Variants in DLGAP1 observed in about 807,000 individuals in gnomAD.
DLGAP1 encodes the protein DLG associated protein 1.
A neutral mutation model predicts 90.8 loss-of-function variants in DLGAP1; 11 were observed. That is an observed-to-expected ratio of 0.12 (90% CI 0.08 to 0.20). The LOEUF (loss-of-function observed/expected upper bound fraction) is 0.20. DLGAP1 is among the 10% of genes least tolerant of loss of function. The pLI, the probability that DLGAP1 is intolerant of heterozygous loss-of-function variation, is 1.00. For synonymous variants in DLGAP1, 558 were observed against 540.7 expected, an observed-to-expected ratio of 1.03 and a Z score of -0.44; for missense variants, 1,050 against 1,333.8, an observed-to-expected ratio of 0.79 and a Z score of 3.31.
chr18:4,256,225 A>G (rs1018490981), intron 1 of DLGAP1, among the ~76,000 whole-genome samples: 1 of 152,162 alleles, frequency 6.6e-6, no homozygotes, highest in Admixed American at 6.5e-5. Flanking sequence ...TCTCTACAAC[A>G]AACACACACA....
At chr18:3,587,787 A>G (rs755916741) in intron 7 of DLGAP1, among the ~76,000 whole-genome samples, 2 of 152,216 alleles carry the variant, frequency 1.3e-5, no homozygotes, top group Non-Finnish European at 2.9e-5. Context: ...CTCCGCACAC[A>G]CCAGCTTTAA....
intron 7 of DLGAP1, among the ~76,000 whole-genome samples, chr18:3,712,813 G>A (rs1004766470): frequency 5.3e-5 from 8 of 152,192 alleles, no homozygotes; most frequent in Non-Finnish European, 7.3e-5. Context: ...TAGCTAGCAG[G>A]ACTATAAGTT....
Position 3,499,275 on chromosome 18 carries a change from G to C in DLGAP1, c.2844C>G (p.Ala948=), listed in dbSNP as rs1433074022. ...RQEARKRLMA[A]KRAASVRQNS... is the part of the protein sequence containing the mutation. ...TCTGGCGGACGGACGCGGCGCGCTT[G>C]GCGGCCATCAGGCGCTTGCGGGCCT... The change falls in exon 13 of 13, where the codon GCC becomes GCG. Residue 948 remains alanine (A), a synonymous_variant. Transcript: ENST00000315677. The surrounding 1 kb of genome is among the most constrained non-coding windows in gnomAD (Gnocchi z 6.4). 2 of 1,599,692 alleles carry C rather than the reference G, an allele frequency of 1.3e-6. No individual in the cohort carries two copies. Among genetic ancestry groups the C allele is most frequent in the Non-Finnish European group, 1.7e-6 (2 of 1,174,054 alleles).
At chr18:4,438,682 CA>C (rs895460074) in intron 1 of DLGAP1, among the ~76,000 whole-genome samples, 1 of 151,062 alleles carries the variant, frequency 6.6e-6, no homozygotes, top group African/African-American at 2.4e-5. Flanking sequence ...ATGTAGGTTA[CA>C]AAAACACACT....
intron 3 of DLGAP1, among the ~76,000 whole-genome samples, chr18:3,883,339 A>G (rs1242053078): frequency 2.0e-5 from 3 of 152,246 alleles, no homozygotes. Context: ...GGTCTTGTCT[A>G]TTCCATGAGA....
chr18:4,375,672 C>T (rs1356689219), intron 1 of DLGAP1, among the ~76,000 whole-genome samples: 1 of 152,128 alleles, frequency 6.6e-6, no homozygotes, highest in Non-Finnish European at 1.5e-5. Context: ...ACTCTCATCA[C>T]TGTGAGTTTT....
chr18:3,536,436 C>T (rs2052385871), intron 9 of DLGAP1, among the ~76,000 whole-genome samples: 1 of 151,992 alleles, frequency 6.6e-6, no homozygotes, highest in Non-Finnish European at 1.5e-5. Context: ...GTTGGCCAGG[C>T]TGGTCTCGAA....
chr18:3,639,902 C>A (rs891724459), intron 7 of DLGAP1, among the ~76,000 whole-genome samples: 3 of 145,178 alleles, frequency 2.1e-5, no homozygotes, highest in Non-Finnish European at 4.5e-5. Flanking sequence ...CTACAGGCGC[C>A]CGCCACCACA....
chr18:4,441,341 C>T (rs1410901828), intron 1 of DLGAP1, among the ~76,000 whole-genome samples: 1 of 152,150 alleles, frequency 6.6e-6, no homozygotes, highest in African/African-American at 2.4e-5. Context: ...CAGAGATTCA[C>T]CTCTGTCATG....
intron 7 of DLGAP1, among the ~76,000 whole-genome samples, chr18:3,672,577 C>CAAAAA (rs60316690): frequency 7.6e-5 from 3 of 39,586 alleles, no homozygotes; most frequent in Non-Finnish European, 1.3e-4. Context: ...AACTCTATCT[C>CAAAAA]AAAAAAAAAA....
intron 2 of DLGAP1, among the ~76,000 whole-genome samples, chr18:4,138,349 G>C (rs778541481): frequency 9.9e-5 from 15 of 151,826 alleles, no homozygotes; most frequent in African/African-American, 3.4e-4. Flanking sequence ...TTTATCAAAA[G>C]CTTTTTCAGC....
chr18:3,648,247 CCTT>C (rs1312097971), intron 7 of DLGAP1, among the ~76,000 whole-genome samples: 3 of 152,164 alleles, frequency 2.0e-5, no homozygotes, highest in Non-Finnish European at 2.9e-5. Context: ...AATCCTTTGG[CCTT>C]CTTCTCAGTG....
chr18:4,156,069 A>G (rs2076750867), intron 1 of DLGAP1, among the ~76,000 whole-genome samples: 1 of 152,196 alleles, frequency 6.6e-6, no homozygotes, highest in South Asian at 2.1e-4. Context: ...AGAGACAACA[A>G]TGACCCCAAG....
chr18:3,646,862 T>C (rs1458708936), intron 7 of DLGAP1, among the ~76,000 whole-genome samples: 2 of 152,014 alleles, frequency 1.3e-5, no homozygotes, highest in Admixed American at 6.6e-5. Context: ...GAGGCGGAGC[T>C]TGCAGTGAGC....
intron 2 of DLGAP1, among the ~76,000 whole-genome samples, chr18:4,080,743 C>T (rs949356322): frequency 6.6e-5 from 10 of 152,182 alleles, no homozygotes; most frequent in African/African-American, 2.4e-4. Flanking sequence ...CGCGATAACC[C>T]GATTTACTAC....
chr18:3,694,617 C>T (rs1023800144), intron 7 of DLGAP1, among the ~76,000 whole-genome samples: 4 of 152,174 alleles, frequency 2.6e-5, no homozygotes, highest in African/African-American at 9.7e-5. Flanking sequence ...TTTTGGTTTG[C>T]ATTTCTCTAA....
intron 3 of DLGAP1, among the ~76,000 whole-genome samples, chr18:3,886,184 G>C (rs58860809): frequency 6.6e-6 from 1 of 152,160 alleles, no homozygotes; most frequent in African/African-American, 2.4e-5. Flanking sequence ...ACCCTGCCCA[G>C]GAGAACAGGG....
At chr18:3,647,907 G>C (rs1345291438) in intron 7 of DLGAP1, among the ~76,000 whole-genome samples, 1 of 152,180 alleles carries the variant, frequency 6.6e-6, no homozygotes, top group Non-Finnish European at 1.5e-5. Flanking sequence ...ACCTAGGACT[G>C]TCCTATATAC....
chr18:3,551,714 C>A (rs1479992391), intron 9 of DLGAP1, among the ~76,000 whole-genome samples: 1 of 32,718 alleles, frequency 3.1e-5, no homozygotes, highest in African/African-American at 1.7e-4. Context: ...CTCCCTCCCT[C>A]CCTCCCTCCC....
Sources: allele counts gnomAD v4.1 joint callset (sites outside exome capture counted in the v4.1 genomes callset), GRCh38; gene constraint gnomAD v4.1.1; non-coding constraint Gnocchi (gnomAD v3.1); transcripts MANE v1.5; gene names NCBI Gene and HGNC (gene_info 2026-07-23, HGNC 2026-07-21).